NSD1: variants seen among roughly 807,000 people sequenced by gnomAD.
NSD1 encodes histone-lysine N-methyltransferase, H3 lysine-36 specific.
NSD1 carries 26 observed loss-of-function variants against 242.7 expected under a neutral mutation model. The observed-to-expected ratio is 0.11, with a 90% CI of 0.08 to 0.15. The LOEUF is 0.15. Among genes scored for constraint, NSD1 ranks in the 10% least tolerant of loss-of-function variants. The pLI is 1.00. For synonymous variants in NSD1, 1,106 were observed against 1,178.1 expected (o/e 0.94, Z 1.25); for missense variants, 2,495 against 3,272.8 (o/e 0.76, Z 5.80).
At chr5:177,249,338 A>G (rs965896057) in intron 11 of NSD1, among the ~76,000 whole-genome samples, 1 of 152,106 alleles carries the variant, frequency 6.6e-6, no homozygotes, top group Non-Finnish European at 1.5e-5. Context: ...TTTTTTTTAA[A>G]TTAGCCAGCT....
At chr5:177,237,676 G>T (rs1179810961) in intron 6 of NSD1, among the ~76,000 whole-genome samples, 1 of 151,608 alleles carries the variant, frequency 6.6e-6, no homozygotes, top group Non-Finnish European at 1.5e-5. Context: ...GGGACTACAG[G>T]TGCCCGCCAC....
rs186469757 is a variant in NSD1, at chr5:177,266,709, G to C, written c.5147-853G>C. 1.3e-4 allele frequency: 35 copies of C among 276,112 alleles called. 1 individual carries two copies. The highest frequency in any genetic ancestry group is 1.1e-3 in the Middle Eastern group (1 of 950). The allele number at this position is 276,112 out of a possible 1,614,324, so 17.1% of individuals were successfully genotyped here. ...TTAACTCGGATATATTCTTTGCTAAGGCTTTACTCCCCACTTCAGGGTAAA... is the reference window on the plus strand; with the variant it reads ...TTAACTCGGATATATTCTTTGCTAACGCTTTACTCCCCACTTCAGGGTAAA... On this transcript the variant is annotated intron_variant, in intron 14 of 22. Coordinates refer to ENST00000439151, the MANE Select transcript of NSD1 (RefSeq NM_022455.5).
chr5:177,167,550 A>T (rs1759315840), intron 2 of NSD1, among the ~76,000 whole-genome samples: 2 of 151,906 alleles, frequency 1.3e-5, no homozygotes, highest in Admixed American at 1.3e-4. Flanking sequence ...AAAAAAAAAT[A>T]TATTTGTGAG....
Position 177,135,599 on chromosome 5 carries a change from T to C in NSD1, c.496T>C (p.Ser166Pro). 1 of 1,614,202 alleles carries C rather than the reference T, an allele frequency of 6.2e-7. No homozygotes were observed. Among genetic ancestry groups the C allele is most frequent in the South Asian group, 1.1e-5 (1 of 91,084 alleles). The change falls in exon 2 of 23, where the codon TCT becomes CCT. Residue 166 changes from serine to proline, a missense_variant. Coordinates refer to ENST00000439151, the MANE Select transcript of NSD1 (RefSeq NM_022455.5). ...FTCVDDADVDSEMDPEQPVTE... is the reference protein window; with the variant it reads ...FTCVDDADVDPEMDPEQPVTE... The stretch of plus-strand genomic sequence containing the variant: ...TTGTGTGGACGATGCAGATGTAGAT[T>C]CTGAAATGGACCCAGAACAGCCAGT...
At chr5:177,172,060 G>A (rs1300101755) in intron 2 of NSD1, among the ~76,000 whole-genome samples, 2 of 152,156 alleles carry the variant, frequency 1.3e-5, no homozygotes, top group Non-Finnish European at 2.9e-5. Context: ...GTATACCTTT[G>A]AAGGGTTTCC....
At chr5:177,196,941 A>G (rs1013626714) in intron 3 of NSD1, among the ~76,000 whole-genome samples, 5 of 152,250 alleles carry the variant, frequency 3.3e-5, no homozygotes, top group Non-Finnish European at 7.3e-5. Context: ...TTTTTCCTGT[A>G]CATACATACC....
At chr5:177,257,212 ATTTTCTT>A in intron 13 of NSD1, 61 bp downstream of exon 13, 4 of 1,043,368 alleles carry the variant, frequency 3.8e-6, no homozygotes, top group Middle Eastern at 4.5e-4. Context: ...GGCAACAGAT[ATTTTCTT>A]TTTTCTTTCT....
intron 14 of NSD1, 95 bp downstream of exon 14, chr5:177,260,263 G>GA: frequency 8.7e-7 from 1 of 1,148,546 alleles, no homozygotes; most frequent in Admixed American, 2.1e-5. Flanking sequence ...ATTGCCACTG[G>GA]AAAAAATATT....
At chr5:177,275,605 T>C (rs1244760612) in intron 17 of NSD1, among the ~76,000 whole-genome samples, 2 of 151,926 alleles carry the variant, frequency 1.3e-5, no homozygotes, top group Admixed American at 6.6e-5. Flanking sequence ...GGCTAATTTT[T>C]TGTATTTTTA....
At chr5:177,279,070 A>ATT (rs1410261355) in intron 17 of NSD1, among the ~76,000 whole-genome samples, 1 of 152,234 alleles carries the variant, frequency 6.6e-6, no homozygotes, top group Admixed American at 6.5e-5. Context: ...ATTTTAAATT[A>ATT]TAAGCTGGGT....
intron 5 of NSD1, among the ~76,000 whole-genome samples, chr5:177,216,670 G>GT (rs771087392): frequency 0.08 from 10,098 of 126,820 alleles, 573 homozygotes; most frequent in African/African-American, 0.17. Flanking sequence ...AGGGATCTCT[G>GT]TTTTTTTTTT....
rs1756277380 is a variant in NSD1 at position 177,135,855 on chromosome 5, C to G, written c.752C>G (p.Ala251Gly). Reference protein sequence around the residue: ...RNEVDGSNEKAALLPAPFSLG... With the variant: ...RNEVDGSNEKGALLPAPFSLG... ...GAAGTGGACGGCAGCAATGAAAAAG[C>G]AGCCCTTCTCCCAGCCCCCTTTTCA... Residue 251 changes from alanine to glycine, a missense_variant, in exon 2 of 23, where the codon GCA becomes GGA. This residue lies in a region of NSD1 where 376 missense variants were observed against 367.4 expected (regional missense o/e 1.02). Transcript: ENST00000439151. 1 of 1,605,326 alleles carries G rather than the reference C, an allele frequency of 6.2e-7. No individual in the cohort carries two copies. The highest frequency in any genetic ancestry group is 8.5e-7 in the Non-Finnish European group (1 of 1,173,836).
intron 2 of NSD1, among the ~76,000 whole-genome samples, chr5:177,178,218 TTTGA>T (rs571851194): frequency 1.3e-5 from 2 of 152,030 alleles, no homozygotes; most frequent in South Asian, 2.1e-4. Context: ...TTAATAGACA[TTTGA>T]TTGATTGATT....
chr5:177,213,266 CTG>C (rs1268406188), intron 5 of NSD1, among the ~76,000 whole-genome samples: 5 of 152,130 alleles, frequency 3.3e-5, no homozygotes, highest in East Asian at 1.9e-4. Flanking sequence ...ATTCTCAAAA[CTG>C]TGTATCATAG....
intron 14 of NSD1, among the ~76,000 whole-genome samples, chr5:177,260,599 C>T (rs533405797): frequency 1.3e-4 from 20 of 152,016 alleles, no homozygotes; most frequent in Non-Finnish European, 2.1e-4. Context: ...TTGCCCGCCT[C>T]GGCCTCCCAA....
chr5:177,158,998 T>TTATATATATATATGAATGA (rs1554173190), intron 2 of NSD1, among the ~76,000 whole-genome samples: 21 of 122,596 alleles, frequency 1.7e-4, no homozygotes, highest in African/African-American at 7.6e-4. Flanking sequence ...ATGAATGATT[T>TTATATATATATATGAATGA]TATATATATA....
At chr5:177,253,547 G>A (rs892786750) in intron 12 of NSD1, among the ~76,000 whole-genome samples, 6 of 152,080 alleles carry the variant, frequency 3.9e-5, no homozygotes, top group Non-Finnish European at 7.4e-5. Flanking sequence ...GTTGTTTCCC[G>A]TTTTGGTTAT....
intron 5 of NSD1, among the ~76,000 whole-genome samples, chr5:177,235,554 A>G (rs1454855125): frequency 6.6e-6 from 1 of 152,162 alleles, no homozygotes; most frequent in Non-Finnish European, 1.5e-5. Flanking sequence ...CTGGCTTTAA[A>G]TTTAACCTTT....
intron 2 of NSD1, among the ~76,000 whole-genome samples, chr5:177,163,025 T>C (rs1758884122): frequency 6.6e-6 from 1 of 152,118 alleles, no homozygotes; most frequent in Admixed American, 6.6e-5. Flanking sequence ...GTTGCCCAGG[T>C]TGGTCTCAAG....
Sources: allele counts gnomAD v4.1 joint callset (sites outside exome capture counted in the v4.1 genomes callset), GRCh38; gene constraint gnomAD v4.1.1; regional missense constraint gnomAD v4.1.1; transcripts MANE v1.5; gene names NCBI Gene and HGNC (gene_info 2026-07-23, HGNC 2026-07-21).